The following DCTPP1 variants were observed in gnomAD, a reference collection of about 807,000 sequenced individuals.
The protein encoded by DCTPP1 is dCTP pyrophosphatase 1.
In DCTPP1, 8 loss-of-function variants were observed where a neutral mutation model predicts 8.8. The ratio of observed to expected loss-of-function variants is 0.91; its 90% CI spans 0.54 to 1.64. The LOEUF (loss-of-function observed/expected upper bound fraction) is 1.64. Among genes scored for constraint, DCTPP1 ranks in the 40% most tolerant of loss-of-function variants. The pLI, the probability that DCTPP1 is intolerant of heterozygous loss-of-function variation, is 0.00. For synonymous variants in DCTPP1, 85 were observed against 92.1 expected (o/e 0.92, Z 0.44); for missense variants, 231 against 230.4 (o/e 1.00, Z -0.02).
At position 30,429,970 on chromosome 16, in the gene DCTPP1, G is replaced by A. The variant is rs764625693; in HGVS notation, c.11C>T (p.Ala4Val). Reference sequence around the variant, plus strand: ...CGTGTCCCCACGAATCTCCCCACCGGCCACAGACATGCCGCCCACCGCTGC... The same window carrying A: ...CGTGTCCCCACGAATCTCCCCACCGACCACAGACATGCCGCCCACCGCTGC... MSVAGGEIRGDTGG... is the reference protein window; with the variant it reads MSVVGGEIRGDTGG... The change falls in exon 1 of 3, where the codon GCC becomes GTC. Residue 4 changes from alanine to valine, a missense_variant. Coordinates refer to ENST00000319285, the MANE Select transcript of DCTPP1 (RefSeq NM_024096.2). The A allele has an allele frequency of 1.9e-6, 3 of 1,563,908 alleles. No individual in the cohort carries two copies. Among genetic ancestry groups the A allele is most frequent in the South Asian group, 2.3e-5 (2 of 86,398 alleles).
chr16:30,428,466 AG>A (rs2050206380), intron 2 of DCTPP1, among the ~76,000 whole-genome samples: 1 of 152,204 alleles, frequency 6.6e-6, no homozygotes, highest in Admixed American at 6.5e-5. Context: ...TCAGCCCCAG[AG>A]GCAGAGGAAA....
intron 1 of DCTPP1, chr16:30,429,519 C>T: frequency 4.9e-6 from 2 of 404,092 alleles, no homozygotes; most frequent in South Asian, 5.2e-5. Context: ...CTCTAAGAAG[C>T]CTTTCTTGAC....
intron 2 of DCTPP1, 131 bp from the exon 3 acceptor site, chr16:30,424,664 G>T: frequency 8.6e-7 from 1 of 1,158,670 alleles, no homozygotes; most frequent in Non-Finnish European, 1.2e-6. Flanking sequence ...GAGTCAGGTG[G>T]GGAAGAGACC....
chr16:30,428,663 G>C (rs922124643), intron 2 of DCTPP1, among the ~76,000 whole-genome samples: 1 of 152,078 alleles, frequency 6.6e-6, no homozygotes, highest in Non-Finnish European at 1.5e-5. Context: ...CCAGCTACTC[G>C]GGGGGCTGAG....
At chr16:30,429,806 C>T in intron 1 of DCTPP1, 74 bp downstream of exon 1, 3 of 1,444,200 alleles carry the variant, frequency 2.1e-6, no homozygotes, top group South Asian at 1.3e-5. Context: ...TTCCCGACCA[C>T]GTGGAGGAAC....
In DCTPP1 at chr16:30,428,890, G is replaced by A. The variant is rs1201948395; in HGVS notation, c.212+167C>T. The A allele has an allele frequency of 6.6e-6, 4 of 602,810 alleles. No homozygotes were observed. The East Asian group carries it at 1.2e-4, about 18-fold the overall frequency. The allele number at this position is 602,810 out of a possible 1,614,324, so 37.3% of individuals were successfully genotyped here. A position where few individuals can be genotyped will look rare whatever the true frequency, so the allele number is the denominator to read the frequency against. ...ACCTCTCTCTTCCAGGAGGCTGAGT[G>A]CCCCTAGAGGGCAGGGACCCGTGAG... On this transcript the variant is annotated intron_variant, in intron 2 of 2. Coordinates refer to ENST00000319285, the MANE Select transcript of DCTPP1 (RefSeq NM_024096.2).
intron 2 of DCTPP1, 133 bp from the exon 3 acceptor site, chr16:30,424,666 G>T: frequency 8.8e-7 from 1 of 1,131,790 alleles, no homozygotes; most frequent in Non-Finnish European, 1.2e-6. Context: ...GTCAGGTGGG[G>T]AAGAGACCCC....
chr16:30,428,877 C>T, intron 2 of DCTPP1, 180 bp downstream of exon 2: 1 of 571,110 alleles, frequency 1.8e-6, no homozygotes, highest in Non-Finnish European at 3.0e-6. Flanking sequence ...CTCTCTCTTC[C>T]AGGAGGCTGA....
At chr16:30,427,609 A>C (rs35598865) in intron 2 of DCTPP1, among the ~76,000 whole-genome samples, 26,578 of 152,144 alleles carry the variant, frequency 0.17, 2,760 homozygotes, top group South Asian at 0.24. Context: ...TTTACTGTCA[A>C]TCTCCTTCCA....
intron 2 of DCTPP1, 64 bp from the exon 3 acceptor site, chr16:30,424,597 C>T: frequency 1.3e-6 from 2 of 1,564,928 alleles, no homozygotes; most frequent in South Asian, 2.4e-5. Context: ...CTCTGCCAGT[C>T]CTTGCAGTAA....
chr16:30,428,012 C>T (rs1437661371), intron 2 of DCTPP1, among the ~76,000 whole-genome samples: 1 of 152,076 alleles, frequency 6.6e-6, no homozygotes, highest in Admixed American at 6.6e-5. Context: ...AATGACTGTC[C>T]TGGTCTAGGG....
intron 2 of DCTPP1, among the ~76,000 whole-genome samples, chr16:30,427,952 A>G: frequency 6.6e-6 from 1 of 152,176 alleles, no homozygotes; most frequent in East Asian, 1.9e-4. Flanking sequence ...CTATGATCAC[A>G]CCAGTACACT....
At chr16:30,424,924 C>T (rs2151128393) in intron 2 of DCTPP1, among the ~76,000 whole-genome samples, 2 of 152,340 alleles carry the variant, frequency 1.3e-5, no homozygotes, top group Admixed American at 1.3e-4. Flanking sequence ...CGCTCTGTCG[C>T]CCAGGCTGGA....
intron 1 of DCTPP1, 165 bp from the exon 2 acceptor site, chr16:30,429,332 G>C (rs753237536): frequency 5.6e-5 from 35 of 627,280 alleles, no homozygotes; most frequent in Non-Finnish European, 7.7e-5. Context: ...TCCGGAACTT[G>C]GTTCCCTCAT....
intron 2 of DCTPP1, among the ~76,000 whole-genome samples, chr16:30,425,844 G>A (rs1437760378): frequency 5.9e-5 from 9 of 152,060 alleles, no homozygotes; most frequent in African/African-American, 1.9e-4. Context: ...AAAACAAAAC[G>A]AGACCCCACA....
chr16:30,425,605 G>A (rs2050188415), intron 2 of DCTPP1, among the ~76,000 whole-genome samples: 1 of 152,176 alleles, frequency 6.6e-6, no homozygotes, highest in South Asian at 2.1e-4. Flanking sequence ...GAGGTCAGGA[G>A]TCCGAGACCA....
At chr16:30,425,210 T>C (rs1214703445) in intron 2 of DCTPP1, among the ~76,000 whole-genome samples, 1 of 151,920 alleles carries the variant, frequency 6.6e-6, no homozygotes, top group Non-Finnish European at 1.5e-5. Flanking sequence ...CAAATCAGGC[T>C]TGGCGCAGTG....
Position 30,424,270 on chromosome 16 carries a change from T to C in DCTPP1, c.476A>G (p.Asp159Gly). ...CTGGCCTGTGGAGTCACAGGGAATG[T>C]CCGCAGGCCCCACAGCCTGGTCTTC... The part of the protein sequence containing the change: ...ISEDQAVGPA[D>G]IPCDSTGQTS... Residue 159 changes from aspartate to glycine, a missense_variant, in exon 3 of 3, where the codon GAC becomes GGC. Asp to Gly is a moderately conservative substitution (Grantham distance 94, BLOSUM62 -1). Coordinates refer to ENST00000319285, the MANE Select transcript of DCTPP1 (RefSeq NM_024096.2). 3 of 1,614,190 alleles carry C rather than the reference T, an allele frequency of 1.9e-6. No individual in the cohort carries two copies. The highest frequency in any genetic ancestry group is 2.5e-6 in the Non-Finnish European group (3 of 1,180,026).
rs1849863752 is a variant in DCTPP1 at position 30,429,883 on chromosome 16, T to C, written c.98A>G (p.Asp33Gly). Reference protein sequence around the residue: ...FSFSPEPTLEDIRRLHAEFAA... With the variant: ...FSFSPEPTLEGIRRLHAEFAA... ...GAGCTGGGCCAGGCCTGCTTACATG[T>C]CCTCGAGCGTGGGCTCCGGGCTGAA... Residue 33 changes from aspartate (D) to glycine (G), a missense_variant, in exon 1 of 3, where the codon GAC (aspartate) becomes GGC (glycine). Coordinates refer to ENST00000319285, the MANE Select transcript of DCTPP1 (RefSeq NM_024096.2). The C allele has an allele frequency of 2.5e-6, 4 of 1,598,242 alleles. 1 individual carries two copies. Among genetic ancestry groups the C allele is most frequent in the Non-Finnish European group, 3.4e-6 (4 of 1,173,036 alleles).
Sources: gnomAD v4.1 joint callset for allele counts (sites outside exome capture counted in the v4.1 genomes callset) on GRCh38, gnomAD v4.1.1 for gene constraint, MANE v1.5 for transcripts, NCBI Gene and HGNC (gene_info 2026-07-23, HGNC 2026-07-21) for gene names.